The following ATP9A variants were observed in gnomAD, a reference collection of about 807,000 sequenced individuals.
The protein encoded by ATP9A is probable phospholipid-transporting ATPase IIA.
A neutral mutation model predicts 144.1 loss-of-function variants in ATP9A; 52 were observed. The ratio of observed to expected loss-of-function variants is 0.36; its 90% CI spans 0.29 to 0.45. The LOEUF is 0.45. Among genes scored for constraint, ATP9A ranks in the 20% least tolerant of loss-of-function variants. ATP9A has a pLI of 1.00. For synonymous variants in ATP9A, 582 were observed against 557.4 expected (o/e 1.04, Z -0.62); for missense variants, 947 against 1,392.7 (o/e 0.68, Z 5.09).
intron 14 of ATP9A, among the ~76,000 whole-genome samples, chr20:51,651,124 A>G (rs1344448245): frequency 2.2e-5 from 3 of 136,012 alleles, no homozygotes; most frequent in Non-Finnish European, 4.7e-5. Flanking sequence ...CTACAGCATG[A>G]TTCTGTACTG....
intron 4 of ATP9A, among the ~76,000 whole-genome samples, chr20:51,698,561 G>A (rs1256341311): frequency 5.9e-5 from 9 of 152,152 alleles, no homozygotes; most frequent in Non-Finnish European, 1.0e-4. Context: ...TATGCCAGGC[G>A]TTCTAAGGGC....
At chr20:51,652,927 T>G (rs1342839667) in intron 14 of ATP9A, among the ~76,000 whole-genome samples, 1 of 151,520 alleles carries the variant, frequency 6.6e-6, no homozygotes. Context: ...GCTAACACGG[T>G]GAAACCCCAT....
At position 51,622,094 on chromosome 20, in the gene ATP9A, C is replaced by T. The variant is rs1398064595; in HGVS notation, c.2095G>A (p.Asp699Asn). 6.2e-7 allele frequency: 1 copy of T among 1,614,114 alleles called. No homozygotes were observed. Among genetic ancestry groups the T allele is most frequent in the Non-Finnish European group, 8.5e-7 (1 of 1,180,002 alleles). Residue 699 changes from aspartate (D) to asparagine (N), a missense_variant, in exon 19 of 28, where the codon GAC becomes AAC. By Grantham distance (23) the Asp-to-Asn change is conservative. This residue lies in a region of ATP9A where 770 missense variants were observed against 1,047.9 expected (regional missense o/e 0.73). Transcript: ENST00000338821. ...TTTACCAGCCGAAAAACGTGGATGTCTTGGTTTCTGGTCACCAGATGTGCA... is the reference window on the plus strand; with the variant it reads ...TTTACCAGCCGAAAAACGTGGATGTTTTGGTTTCTGGTCACCAGATGTGCA... Reference protein sequence around the residue: ...KNAHLVTRNQDIHVFRLVTNR... With the variant: ...KNAHLVTRNQNIHVFRLVTNR...
intron 13 of ATP9A, among the ~76,000 whole-genome samples, chr20:51,657,640 T>A (rs2235858): frequency 6.6e-6 from 1 of 152,080 alleles, no homozygotes; most frequent in Non-Finnish European, 1.5e-5. Context: ...AAATGTCCAA[T>A]AGAGGCCAAA....
chr20:51,718,379 G>GGT (rs932545381), intron 3 of ATP9A, among the ~76,000 whole-genome samples: 7 of 150,890 alleles, frequency 4.6e-5, no homozygotes, highest in African/African-American at 1.7e-4. Flanking sequence ...TGTGTGGGGG[G>GGT]GGGTTGTTTG....
In ATP9A at chr20:51,718,372, G is replaced by GT. The variant is rs2077671573; in HGVS notation, c.328-5299dup. Among the ~76,000 whole-genome samples, 4 of 140,226 alleles carry GT rather than the reference G, an allele frequency of 2.9e-5. No homozygotes were observed. The South Asian group carries it at 1.1e-3, about 37-fold the overall frequency. 92.0% of individuals were successfully genotyped at this position (140,226 alleles called of 152,430 possible). On this transcript the variant is annotated intron_variant, in intron 3 of 27. Coordinates refer to ENST00000338821, the MANE Select transcript of ATP9A (RefSeq NM_006045.3). ...GTGATTTTCATCACCCTATGTGTGT[G>GT]TGGGGGGGGGTTGTTTGTTTGGTTG...
At chr20:51,755,130 ATAAG>A (rs2077850218) in intron 1 of ATP9A, among the ~76,000 whole-genome samples, 1 of 151,460 alleles carries the variant, frequency 6.6e-6, no homozygotes. Flanking sequence ...AAAATAAAAA[ATAAG>A]TAATAAATAA....
At chr20:51,634,149 T>C (rs1273053949) in intron 15 of ATP9A, among the ~76,000 whole-genome samples, 1 of 152,142 alleles carries the variant, frequency 6.6e-6, no homozygotes, top group East Asian at 1.9e-4. Flanking sequence ...AACATGTCCT[T>C]CACAACTAGC....
At chr20:51,618,144 C>T (rs187862886) in intron 21 of ATP9A, among the ~76,000 whole-genome samples, 200 of 151,700 alleles carry the variant, frequency 1.3e-3, no homozygotes, top group African/African-American at 4.6e-3. Flanking sequence ...CACTTGAACC[C>T]GGGAGACGGA....
chr20:51,715,838 G>A (rs2077659560), intron 3 of ATP9A, among the ~76,000 whole-genome samples: 1 of 152,208 alleles, frequency 6.6e-6, no homozygotes, highest in Non-Finnish European at 1.5e-5. Context: ...TTAATGGGCA[G>A]GGGAAGGGGG....
intron 1 of ATP9A, among the ~76,000 whole-genome samples, chr20:51,747,328 A>C (rs1330559523): frequency 1.3e-5 from 2 of 152,100 alleles, no homozygotes; most frequent in African/African-American, 4.8e-5. Context: ...GTCCTGCCAG[A>C]GGGAGGTAGG....
intron 9 of ATP9A, among the ~76,000 whole-genome samples, chr20:51,685,236 C>T (rs945971587): frequency 1.3e-5 from 2 of 151,960 alleles, no homozygotes; most frequent in Non-Finnish European, 2.9e-5. Flanking sequence ...CTGGGTGAAT[C>T]GAAACATAAA....
chr20:51,619,089 T>C, intron 19 of ATP9A, 46 bp from the exon 20 acceptor site: 1 of 1,546,894 alleles, frequency 6.5e-7, no homozygotes, highest in South Asian at 1.1e-5. Context: ...TCTCCGGACA[T>C]GATAGAACAA....
chr20:51,676,617 T>C (rs547927913), intron 9 of ATP9A, among the ~76,000 whole-genome samples: 2 of 152,308 alleles, frequency 1.3e-5, no homozygotes, highest in African/African-American at 2.4e-5. Context: ...TAGCTTGGAT[T>C]ACAGGCACCT....
At chr20:51,607,649 C>T in intron 25 of ATP9A, 65 bp from the exon 26 acceptor site, 1 of 1,314,904 alleles carries the variant, frequency 7.6e-7, no homozygotes, top group Admixed American at 1.8e-5. Context: ...ATGCCATCAG[C>T]TTTCACGTTA....
intron 14 of ATP9A, among the ~76,000 whole-genome samples, chr20:51,645,094 A>T (rs1357509624): frequency 6.6e-6 from 1 of 152,220 alleles, no homozygotes; most frequent in African/African-American, 2.4e-5. Flanking sequence ...TTGAGGAAAG[A>T]TCAATTACAG....
At position 51,694,302 on chromosome 20, in the gene ATP9A, C is replaced by T. The variant is rs138530513; in HGVS notation, c.548-200G>A. Among the ~76,000 whole-genome samples, 43 of 152,300 alleles carry T rather than the reference C, an allele frequency of 2.8e-4. 1 individual carries two copies. In the East Asian group the frequency reaches 7.9e-3, roughly 28 times the overall value. ...CTCAGAGTTCAAATCCTCACTCCGCCACTCCCTCTGAGTGGGATCCCCAGC... is the reference window on the plus strand; with the variant it reads ...CTCAGAGTTCAAATCCTCACTCCGCTACTCCCTCTGAGTGGGATCCCCAGC... On this transcript the variant is annotated intron_variant, in intron 6 of 27. Coordinates refer to ENST00000338821, the MANE Select transcript of ATP9A (RefSeq NM_006045.3).
At chr20:51,702,155 C>T (rs2077595917) in intron 4 of ATP9A, among the ~76,000 whole-genome samples, 2 of 151,816 alleles carry the variant, frequency 1.3e-5, no homozygotes, top group South Asian at 4.2e-4. Context: ...TAAAATTAGC[C>T]GGGCGTGGTG....
intron 10 of ATP9A, 130 bp from the exon 11 acceptor site, chr20:51,674,443 T>C: frequency 1.1e-6 from 1 of 879,458 alleles, no homozygotes; most frequent in Non-Finnish European, 1.7e-6. Context: ...GAGCTGGTCC[T>C]TCCCCTACAA....
Sources: allele counts gnomAD v4.1 joint callset (sites outside exome capture counted in the v4.1 genomes callset), GRCh38; gene constraint gnomAD v4.1.1; regional missense constraint gnomAD v4.1.1; transcripts MANE v1.5; gene names NCBI Gene and HGNC (gene_info 2026-07-23, HGNC 2026-07-21).